The following TRPC3 variants were observed in gnomAD, a reference collection of about 807,000 sequenced individuals.
The protein encoded by TRPC3 is transient receptor potential cation channel subfamily C member 3.
TRPC3 carries 54 observed loss-of-function variants against 90.9 expected under a neutral mutation model. The ratio of observed to expected loss-of-function variants is 0.59; its 90% confidence interval spans 0.48 to 0.75. The LOEUF (loss-of-function observed/expected upper bound fraction) is 0.75, where lower values mean the gene tolerates loss of function less well. TRPC3 is among the 30% of genes least tolerant of loss of function. The pLI is 0.00. For missense variants in TRPC3, 918 were observed against 1,194.5 expected, an observed-to-expected ratio of 0.77 and a Z score of 3.41; for synonymous variants, 424 against 450.9, an observed-to-expected ratio of 0.94 and a Z score of 0.75.
intron 11 of TRPC3, 41 bp from the exon 12 acceptor site, chr4:121,879,919 T>G: frequency 2.0e-6 from 3 of 1,499,352 alleles, no homozygotes; most frequent in Non-Finnish European, 2.7e-6. Flanking sequence ...AAGTTGCTCT[T>G]TGGATTTAGA....
In TRPC3 at chr4:121,902,923, T is replaced by C. The variant is rs200645413; in HGVS notation, c.2392A>G (p.Asn798Asp). The C allele has an allele frequency of 3.7e-6, 6 of 1,613,444 alleles. No individual in the cohort carries two copies. Among genetic ancestry groups the C allele is most frequent in the Non-Finnish European group, 5.1e-6 (6 of 1,179,776 alleles). ...CTTCTCCTTCTGCATTTGGGAAAGT[T>C]AACAATTCGCATGATGAAATAAACA... ...SFVYFIMRIV[N>D]FPKCRRRRLQ... Residue 798 changes from asparagine (N) to aspartate (D), a missense_variant, in exon 9 of 12, where the codon AAC (asparagine) becomes GAC (aspartate). Asn to Asp is a conservative substitution (Grantham distance 23). Coordinates refer to ENST00000379645, the MANE Select transcript of TRPC3 (RefSeq NM_001130698.2).
intron 10 of TRPC3, 115 bp from the exon 11 acceptor site, chr4:121,882,544 T>G (rs1379942414): frequency 1.3e-6 from 1 of 795,226 alleles, no homozygotes; most frequent in African/African-American, 1.8e-5. Flanking sequence ...AGAAAAAAAT[T>G]TTATAACTAT....
chr4:121,876,532 T>C lies in TRPC3; in HGVS notation c.*3204A>G, dbSNP rs1012076176. Among the ~76,000 whole-genome samples the C allele has an allele frequency of 2.6e-5, 4 of 152,204 alleles. No homozygotes were observed. Among genetic ancestry groups the C allele is most frequent in the African/African-American group, 9.7e-5 (4 of 41,446 alleles). ...GACATTGTCCATCAGACAATTTATC[T>C]TCCCATTTACAAAAGCTGCTTTCAC... On this transcript the variant is annotated 3_prime_UTR_variant, in exon 12 of 12. Transcript: ENST00000379645.
intron 2 of TRPC3, among the ~76,000 whole-genome samples, chr4:121,926,251 G>A (rs982134428): frequency 8.5e-5 from 13 of 152,104 alleles, no homozygotes; most frequent in Admixed American, 5.2e-4. Context: ...GACTGGCTCC[G>A]CCTTTGTTAT....
At position 121,932,625 on chromosome 4, in the gene TRPC3, A is replaced by G; in HGVS notation, c.633T>C (p.Cys211=). The G allele has an allele frequency of 1.2e-6, 2 of 1,613,700 alleles. No individual in the cohort carries two copies. Among genetic ancestry groups the G allele is most frequent in the Non-Finnish European group, 1.7e-6 (2 of 1,179,688 alleles). Residue 211 remains cysteine, a synonymous_variant, in exon 2 of 12, where the codon TGT becomes TGC. Transcript: ENST00000379645. This position sits in a 1 kb window ranked among gnomAD's most constrained non-coding sequence, Gnocchi z 7.7. ...AGTCGTCGTCCTGCAGCTCCTGCTCACAGGGGCTCAGAGTGAGACGCTTGC... is the reference window on the plus strand; with the variant it reads ...AGTCGTCGTCCTGCAGCTCCTGCTCGCAGGGGCTCAGAGTGAGACGCTTGC... ...AASKRLTLSP[C]EQELQDDDFY...
chr4:121,943,705 C>T (rs1455834164), intron 1 of TRPC3, among the ~76,000 whole-genome samples: 2 of 152,090 alleles, frequency 1.3e-5, no homozygotes, highest in South Asian at 2.1e-4. Flanking sequence ...TATTTAAATA[C>T]ATTAGTCACT....
intron 3 of TRPC3, among the ~76,000 whole-genome samples, chr4:121,920,897 C>T (rs139270432): frequency 5.9e-5 from 9 of 152,040 alleles, no homozygotes; most frequent in African/African-American, 2.2e-4. Flanking sequence ...CCTAGTATGC[C>T]CTTCACTTTT....
chr4:121,927,764 G>C (rs780966604), intron 2 of TRPC3, among the ~76,000 whole-genome samples: 62 of 152,192 alleles, frequency 4.1e-4, no homozygotes, highest in Non-Finnish European at 9.0e-4. Flanking sequence ...CTTCGTAAGG[G>C]AACAGATAAA....
At chr4:121,887,280 T>C (rs1218852810) in intron 10 of TRPC3, among the ~76,000 whole-genome samples, 2 of 152,252 alleles carry the variant, frequency 1.3e-5, no homozygotes, top group Non-Finnish European at 2.9e-5. Context: ...GGCATAACTA[T>C]ACTACATAGC....
intron 9 of TRPC3, among the ~76,000 whole-genome samples, chr4:121,900,091 CAT>C (rs2149116110): frequency 6.6e-6 from 1 of 152,234 alleles, no homozygotes; most frequent in Admixed American, 6.5e-5. Flanking sequence ...TGAATAGAAA[CAT>C]ATTGCAGGTT....
At chr4:121,898,920 C>A (rs13143218) in intron 10 of TRPC3, among the ~76,000 whole-genome samples, 43,497 of 152,022 alleles carry the variant, frequency 0.29, 6,941 homozygotes, top group East Asian at 0.43. Flanking sequence ...TTTGTGGTTT[C>A]CTGCTTCTAA....
At chr4:121,898,132 T>C (rs907136444) in intron 10 of TRPC3, among the ~76,000 whole-genome samples, 2 of 152,094 alleles carry the variant, frequency 1.3e-5, no homozygotes, top group South Asian at 2.1e-4. Context: ...AGGTAAAATG[T>C]AGGACGAAGG....
chr4:121,941,331 T>C (rs986946608), intron 1 of TRPC3, among the ~76,000 whole-genome samples: 1 of 152,032 alleles, frequency 6.6e-6, no homozygotes, highest in African/African-American at 2.4e-5. Context: ...TCAATGTGAG[T>C]TGAGTTAATG....
chr4:121,916,683 T>C (rs901653673), intron 3 of TRPC3, among the ~76,000 whole-genome samples: 2 of 152,068 alleles, frequency 1.3e-5, no homozygotes, highest in African/African-American at 4.8e-5. Context: ...GGCATCCTCA[T>C]TTTGGATTTC....
Position 121,874,549 on chromosome 4 carries a change from G to C in TRPC3, c.*5187C>G, listed in dbSNP as rs1204692579. On this transcript the variant is annotated 3_prime_UTR_variant, in exon 12 of 12. Transcript: ENST00000379645. ...CTAGAAGTCATAGATCAAGGTGTCA[G>C]CAGGGAATAAAACCGATCTTCAGAG... 6.6e-6 allele frequency among the ~76,000 whole-genome samples: 1 copy of C among 152,168 alleles called. No homozygotes were observed. Among genetic ancestry groups the C allele is most frequent in the African/African-American group, 2.4e-5 (1 of 41,438 alleles).
At chr4:121,919,045 A>G (rs907178440) in intron 3 of TRPC3, among the ~76,000 whole-genome samples, 1 of 152,250 alleles carries the variant, frequency 6.6e-6, no homozygotes, top group African/African-American at 2.4e-5. Flanking sequence ...AACAAAAATA[A>G]TACCCTTATT....
chr4:121,900,661 A>G (rs559357426), intron 9 of TRPC3, among the ~76,000 whole-genome samples: 2 of 152,364 alleles, frequency 1.3e-5, no homozygotes, highest in African/African-American at 4.8e-5. Flanking sequence ...TCTTCTAAAA[A>G]AGAGAAATAG....
At position 121,879,247 on chromosome 4, in the gene TRPC3, A is replaced by C. The variant is rs1435606024; in HGVS notation, c.*489T>G. 6.6e-6 allele frequency: 1 copy of C among 151,986 alleles called. No individual in the cohort carries two copies. Among genetic ancestry groups the C allele is most frequent in the Non-Finnish European group, 1.5e-5 (1 of 68,024 alleles). 9.4% of individuals were successfully genotyped at this position (151,986 alleles called of 1,614,324 possible). A position where few individuals can be genotyped will look rare whatever the true frequency, so the allele number is the denominator to read the frequency against. On this transcript the variant is annotated 3_prime_UTR_variant, in exon 12 of 12. Coordinates refer to ENST00000379645, the MANE Select transcript of TRPC3 (RefSeq NM_001130698.2). The stretch of plus-strand genomic sequence containing the variant: ...AGTTTCTATTAAAAAAAAAAAAAAA[A>C]AACCTCTTCAGAACTTGGACAAGGG...
intron 1 of TRPC3, 77 bp from the exon 2 acceptor site, chr4:121,933,119 G>A: frequency 6.7e-7 from 1 of 1,482,402 alleles, no homozygotes; most frequent in South Asian, 1.4e-5. Context: ...GGCCCTTTCT[G>A]GAATACACAC....
Sources: gnomAD v4.1 joint callset for allele counts (sites outside exome capture counted in the v4.1 genomes callset) on GRCh38, gnomAD v4.1.1 for gene constraint, Gnocchi (gnomAD v3.1) non-coding constraint, MANE v1.5 for transcripts, NCBI Gene and HGNC (gene_info 2026-07-23, HGNC 2026-07-21) for gene names.